SLC44A5: variants seen among roughly 807,000 people sequenced by gnomAD.
The protein encoded by SLC44A5 is solute carrier family 44 member 5.
A neutral mutation model predicts 101.8 loss-of-function variants in SLC44A5; 57 were observed. That is an observed-to-expected ratio of 0.56 (90% confidence interval 0.45 to 0.70). The LOEUF is 0.70. Ranked by LOEUF, SLC44A5 falls within the 30% of genes least tolerant of loss-of-function variation. SLC44A5 has a pLI of 0.00. For synonymous variants in SLC44A5, 281 were observed against 290.9 expected (o/e 0.97, Z 0.35); for missense variants, 737 against 853.1 (o/e 0.86, Z 1.70).
intron 2 of SLC44A5, among the ~76,000 whole-genome samples, chr1:75,411,073 C>T (rs752572796): frequency 6.6e-6 from 1 of 152,064 alleles, no homozygotes; most frequent in African/African-American, 2.4e-5. Context: ...GGGATTCAAA[C>T]TGGACTACTG....
the SLC44A5 span, among the ~76,000 whole-genome samples, chr1:75,628,366 C>G: frequency 3.9e-5 from 6 of 152,092 alleles, no homozygotes; most frequent in African/African-American, 1.2e-4. Flanking sequence ...ATTTAAAAAT[C>G]CTGTCTACTT....
chr1:75,600,554 G>A (rs1674914133), intron 1 of SLC44A5, among the ~76,000 whole-genome samples: 1 of 151,910 alleles, frequency 6.6e-6, no homozygotes, highest in Admixed American at 6.6e-5. Flanking sequence ...ATTTTAAGTA[G>A]TTTATAAAAA....
At chr1:75,406,482 A>T (rs1280423519) in intron 2 of SLC44A5, among the ~76,000 whole-genome samples, 1 of 152,176 alleles carries the variant, frequency 6.6e-6, no homozygotes, top group Non-Finnish European at 1.5e-5. Context: ...GGCAAACCAA[A>T]TCCGGCAGCA....
chr1:75,591,039 G>C (rs1028080922), intron 1 of SLC44A5, among the ~76,000 whole-genome samples: 1 of 152,172 alleles, frequency 6.6e-6, no homozygotes, highest in Non-Finnish European at 1.5e-5. Flanking sequence ...AGTCATACTG[G>C]TGGTGGCCAC....
chr1:75,450,643 G>C (rs1442675907), intron 2 of SLC44A5, among the ~76,000 whole-genome samples: 1 of 152,184 alleles, frequency 6.6e-6, no homozygotes, highest in Non-Finnish European at 1.5e-5. Flanking sequence ...CAGCCAGCTT[G>C]AAGACATGAA....
chr1:75,271,497 T>TTTTTTGTGTGTGTGTG (rs1553152601), intron 6 of SLC44A5, among the ~76,000 whole-genome samples: 2,293 of 146,350 alleles, frequency 0.016, 32 homozygotes, highest in Middle Eastern at 0.046. Context: ...TCTGCATGTT[T>TTTTTTGTGTGTGTGTG]TGTGTGTGTG....
chr1:75,392,863 T>A (rs992434710), intron 3 of SLC44A5, among the ~76,000 whole-genome samples: 2 of 152,126 alleles, frequency 1.3e-5, no homozygotes, highest in African/African-American at 4.8e-5. Context: ...AACATGGATG[T>A]AGGTGGAGGC....
chr1:75,593,792 T>C (rs77812992), intron 1 of SLC44A5, among the ~76,000 whole-genome samples: 35 of 151,802 alleles, frequency 2.3e-4, no homozygotes, highest in South Asian at 4.2e-4. Context: ...ATCAAAACAA[T>C]TGAACTCATG....
intron 6 of SLC44A5, among the ~76,000 whole-genome samples, chr1:75,267,366 A>T (rs1323195909): frequency 6.6e-6 from 1 of 152,092 alleles, no homozygotes; most frequent in Non-Finnish European, 1.5e-5. Context: ...TTATGAAGAC[A>T]ATCTATTGTC....
chr1:75,605,675 A>G (rs1241084315), intron 1 of SLC44A5, among the ~76,000 whole-genome samples: 1 of 152,112 alleles, frequency 6.6e-6, no homozygotes, highest in African/African-American at 2.4e-5. Flanking sequence ...CAAAAGTTAT[A>G]AAATTCGATT....
Position 75,339,073 on chromosome 1 carries a change from A to ACATATTT in SLC44A5, c.101+502_101+508dup, listed in dbSNP as rs374394886. Among the ~76,000 whole-genome samples, 552 of 152,330 alleles carry ACATATTT rather than the reference A, an allele frequency of 3.6e-3. 3 individuals are homozygous for ACATATTT. Among genetic ancestry groups the ACATATTT allele is most frequent in the African/African-American group, 0.013 (537 of 41,574 alleles). ...GCAGGAAGCACCAGCTGAGATGAGTACATATTTCCCTAGAGCATTTTAAAC... is the reference window on the plus strand; with the variant it reads ...GCAGGAAGCACCAGCTGAGATGAGTACATATTTCATATTTCCCTAGAGCATTTTAAAC... On this transcript the variant is annotated intron_variant, in intron 4 of 23. Coordinates refer to ENST00000370859, the MANE Select transcript of SLC44A5 (RefSeq NM_001130058.2).
chr1:75,253,841 C>CCAGA (rs1649783676), intron 6 of SLC44A5, among the ~76,000 whole-genome samples: 1 of 152,072 alleles, frequency 6.6e-6, no homozygotes, highest in African/African-American at 2.4e-5. Context: ...TCCTACCTTG[C>CCAGA]CAGAACTTAA....
At chr1:75,262,745 C>T (rs1433645094) in intron 6 of SLC44A5, among the ~76,000 whole-genome samples, 3 of 152,098 alleles carry the variant, frequency 2.0e-5, no homozygotes, top group African/African-American at 7.2e-5. Context: ...TACAAGGCTA[C>T]AGTAATAAAA....
chr1:75,286,728 T>G (rs1156801604), intron 5 of SLC44A5, among the ~76,000 whole-genome samples: 1 of 152,102 alleles, frequency 6.6e-6, no homozygotes, highest in Non-Finnish European at 1.5e-5. Context: ...TTTTTTTCAT[T>G]TATGAAACTT....
chr1:75,665,307 A>G, the SLC44A5 span, among the ~76,000 whole-genome samples: 1 of 152,190 alleles, frequency 6.6e-6, no homozygotes, highest in Middle Eastern at 3.2e-3. Context: ...CCACACACCT[A>G]TAGTCACTTG....
chr1:75,350,893 CAAAAA>C (rs11292382), intron 3 of SLC44A5, among the ~76,000 whole-genome samples: 2 of 79,872 alleles, frequency 2.5e-5, no homozygotes, highest in East Asian at 3.6e-4. Context: ...GACTCCATCT[CAAAAA>C]AAAAAAAAAA....
chr1:75,447,961 A>T (rs1665683114), intron 2 of SLC44A5, among the ~76,000 whole-genome samples: 1 of 152,174 alleles, frequency 6.6e-6, no homozygotes, highest in Non-Finnish European at 1.5e-5. Flanking sequence ...CAACCCAAGG[A>T]ATGAAAAAGT....
At chr1:75,707,032 T>C in the SLC44A5 span, among the ~76,000 whole-genome samples, 1 of 152,232 alleles carries the variant, frequency 6.6e-6, no homozygotes, top group Admixed American at 6.5e-5. Flanking sequence ...CCAGATATAC[T>C]TACAAATTTT....
intron 2 of SLC44A5, among the ~76,000 whole-genome samples, chr1:75,522,892 C>T (rs1167901824): frequency 2.0e-5 from 3 of 152,114 alleles, no homozygotes; most frequent in African/African-American, 7.2e-5. Flanking sequence ...GAGGGCAGCT[C>T]TTGAAGGTAG....
Sources: gnomAD v4.1 joint callset for allele counts (sites outside exome capture counted in the v4.1 genomes callset) on GRCh38, gnomAD v4.1.1 for gene constraint, MANE v1.5 for transcripts, NCBI Gene and HGNC (gene_info 2026-07-23, HGNC 2026-07-21) for gene names.